The following MCM5 variants were observed in gnomAD, a reference collection of about 807,000 sequenced individuals.
MCM5 encodes DNA replication licensing factor MCM5.
Under a neutral mutation model 79.9 loss-of-function variants are expected in MCM5, and 46 were observed. The ratio of observed to expected loss-of-function variants is 0.58; its 90% CI spans 0.45 to 0.74. The LOEUF (loss-of-function observed/expected upper bound fraction) is 0.74, where lower values mean the gene tolerates loss of function less well. MCM5 is among the 30% of genes least tolerant of loss of function. The pLI is 0.00. For missense variants in MCM5, 883 were observed against 1,017.0 expected (o/e 0.87, Z 1.79); for synonymous variants, 404 against 390.5 (o/e 1.03, Z -0.41).
Position 35,403,386 on chromosome 22 carries a change from A to G in MCM5, c.295-28A>G, listed in dbSNP as rs200428694. ...CCAGGGCTGCTCTGCCCCAGTTACT[A>G]ATAGCCTGTGCCCTTCCCTTTCTCC... On this transcript the variant is annotated intron_variant, in intron 3 of 16. Transcript: ENST00000216122. 630 of 1,614,074 alleles carry G rather than the reference A, an allele frequency of 3.9e-4. 8 individuals are homozygous for G. The highest frequency in any genetic ancestry group is 3.5e-3 in the African/African-American group (260 of 75,022).
rs750075192 is a variant in MCM5, at chr22:35,400,471, C to T, written c.33C>T (p.Tyr11=). Residue 11 remains tyrosine, a synonymous_variant, in exon 2 of 17, where the codon TAC becomes TAT. Transcript: ENST00000216122. MSGFDDPGIF[Y]SDSFGGDAQA... is the part of the protein sequence containing the mutation. ...GATTCGACGATCCTGGCATTTTCTA[C>T]AGCGACAGCTTCGGGGGCGACGCCC... The T allele has an allele frequency of 1.2e-6, 2 of 1,614,108 alleles. No homozygotes were observed. Among genetic ancestry groups the T allele is most frequent in the South Asian group, 1.1e-5 (1 of 91,082 alleles).
chr22:35,404,447 C>T (rs1036081971), intron 4 of MCM5, among the ~76,000 whole-genome samples: 1 of 152,178 alleles, frequency 6.6e-6, no homozygotes, highest in Non-Finnish European at 1.5e-5. Flanking sequence ...TTAGATTTAT[C>T]TGAAGGCCTC....
chr22:35,401,484 G>A (rs776259512), intron 2 of MCM5: 9 of 469,796 alleles, frequency 1.9e-5, no homozygotes, highest in Non-Finnish European at 3.5e-5. Context: ...TACGACCTGT[G>A]ACATCATGAG....
At chr22:35,412,730 C>T (rs1280318654) in intron 8 of MCM5, 49 bp downstream of exon 8, 4 of 1,375,600 alleles carry the variant, frequency 2.9e-6, no homozygotes, top group African/African-American at 3.0e-5. Context: ...GATGATGGGG[C>T]TCACAGTAGG....
At chr22:35,453,819 T>TATATAGAGAGAGAGAGAGAGAG in the MCM5 span, among the ~76,000 whole-genome samples, 1 of 81,548 alleles carries the variant, frequency 1.2e-5, no homozygotes, top group African/African-American at 6.0e-5. Flanking sequence ...TATATATATA[T>TATATAGAGAGAGAGAGAGAGAG]AGAGAGAGAG....
intron 1 of MCM5, 22 bp from the exon 2 acceptor site, chr22:35,400,409 T>C (rs745307735): frequency 2.5e-6 from 4 of 1,613,866 alleles, no homozygotes; most frequent in Non-Finnish European, 3.4e-6. Context: ...CAGCCTGTTC[T>C]GGCCGTTTGT....
At position 35,410,763 on chromosome 22, in the gene MCM5, G is replaced by A. The variant is rs2230933; in HGVS notation, c.772G>A (p.Val258Ile). Residue 258 changes from valine (V) to isoleucine (I), a missense_variant, in exon 7 of 17, where the codon GTC becomes ATC. Around this residue, in one of 3 missense-constraint regions of MCM5, gnomAD observed 455 missense variants for 517.5 expected, o/e 0.88. Coordinates refer to ENST00000216122, the MANE Select transcript of MCM5 (RefSeq NM_006739.4). The stretch of plus-strand genomic sequence containing the variant: ...TCTCAGGTACCTGTGTGACAAGGTC[G>A]TCCCTGGGAACAGGGTTACCATCAT... ...YCDRYLCDKV[V>I]PGNRVTIMGI... 4.9e-3 allele frequency: 7,845 copies of A among 1,613,968 alleles called. 42 individuals are homozygous for A. The highest frequency in any genetic ancestry group is 9.0e-3 in the Admixed American group (538 of 60,002).
At position 35,423,308 on chromosome 22, in the gene MCM5, T is replaced by A. The variant is rs1329091998; in HGVS notation, c.2070T>A (p.Ser690=). The A allele has an allele frequency of 1.9e-6, 3 of 1,608,394 alleles. No homozygotes were observed. The highest frequency in any genetic ancestry group is 1.7e-5 in the Admixed American group (1 of 59,550). Residue 690 remains serine, a synonymous_variant, in exon 16 of 17, where the codon TCT becomes TCA. Coordinates refer to ENST00000216122, the MANE Select transcript of MCM5 (RefSeq NM_006739.4). ...GCTTTGCCATTGGCTCCCAGGTGTC[T>A]GAGCACAGCATCATCAAGGACTTCA... ...KRRFAIGSQV[S]EHSIIKDFTK...
intron 11 of MCM5, 80 bp from the exon 12 acceptor site, chr22:35,416,558 T>TGA: frequency 1.1e-6 from 1 of 897,688 alleles, no homozygotes; most frequent in African/African-American, 2.5e-5. Flanking sequence ...TGTGTGTGTG[T>TGA]GTGTGTGTGT....
chr22:35,417,703 G>A (rs967163181), intron 12 of MCM5, 41 bp from the exon 13 acceptor site: 6 of 1,420,494 alleles, frequency 4.2e-6, no homozygotes, highest in Non-Finnish European at 5.0e-6. Context: ...TCAGGCTTGG[G>A]ACGGCCTGTG....
At chr22:35,422,291 C>G (rs1037490251) in intron 15 of MCM5, 1 of 153,272 alleles carries the variant, frequency 6.5e-6, no homozygotes, top group Non-Finnish European at 1.5e-5. Flanking sequence ...AGGACGTGCT[C>G]TTTCCCATGG....
chr22:35,410,828 C>T lies in MCM5; in HGVS notation c.837C>T (p.Ser279=), dbSNP rs2307343. 90 of 1,614,034 alleles carry T rather than the reference C, an allele frequency of 5.6e-5. 1 individual carries two copies. The African/African-American group carries it at 8.0e-4, about 14-fold the overall frequency. ...YSIKKFGLTT[S]RGRDRVGVGI... ...TCAAGAAGTTTGGCCTGACTACCAG[C>T]AGGGGCCGTGACAGGGTGGGCGTGG... Residue 279 remains serine, a synonymous_variant, in exon 7 of 17, where the codon AGC becomes AGT. Transcript: ENST00000216122.
chr22:35,412,392 T>C, intron 7 of MCM5, 118 bp from the exon 8 acceptor site: 1 of 767,962 alleles, frequency 1.3e-6, no homozygotes, highest in East Asian at 2.9e-5. Flanking sequence ...TGTGCTGTCC[T>C]GGCCCTAAGG....
At chr22:35,432,021 C>G in the MCM5 span, among the ~76,000 whole-genome samples, 2 of 152,188 alleles carry the variant, frequency 1.3e-5, no homozygotes, top group Non-Finnish European at 2.9e-5. Flanking sequence ...GAGATAATGA[C>G]CGTACCTACA....
In MCM5 at chr22:35,413,911, C is replaced by T. The variant is rs1482392777; in HGVS notation, c.1128C>T (p.Asn376=). ...PDGLTRRGDI[N]LLMLGDPGTA... is the part of the protein sequence containing the mutation. ...GACTTACTCGCCGAGGAGACATCAA[C>T]CTGCTGATGCTAGGGGACCCTGGGA... The change falls in exon 9 of 17, where the codon AAC becomes AAT. Residue 376 remains asparagine (N), a synonymous_variant. Coordinates refer to ENST00000216122, the MANE Select transcript of MCM5 (RefSeq NM_006739.4). 1.2e-6 allele frequency: 2 copies of T among 1,614,010 alleles called. No homozygotes were observed. The highest frequency in any genetic ancestry group is 1.7e-6 in the Non-Finnish European group (2 of 1,179,888).
the MCM5 span, among the ~76,000 whole-genome samples, chr22:35,445,597 C>T: frequency 6.6e-6 from 1 of 151,796 alleles, no homozygotes; most frequent in Non-Finnish European, 1.5e-5. Context: ...GCAAGCTCTG[C>T]CTCCTGGGTT....
At chr22:35,410,940 C>A (rs1185007483) in intron 7 of MCM5, 30 bp downstream of exon 7, 1 of 1,556,328 alleles carries the variant, frequency 6.4e-7, no homozygotes, top group Admixed American at 1.9e-5. Flanking sequence ...CTGGCTTAGC[C>A]CTGCTAAAAG....
intron 15 of MCM5, 190 bp from the exon 16 acceptor site, chr22:35,423,024 G>A (rs1042448502): frequency 2.1e-6 from 1 of 465,382 alleles, no homozygotes; most frequent in Non-Finnish European, 3.7e-6. Context: ...GCTTGGCCTG[G>A]AGTGTCCCCA....
At chr22:35,408,625 ACC>A (rs1262345130) in intron 6 of MCM5, 62 bp downstream of exon 6, 14 of 1,554,158 alleles carry the variant, frequency 9.0e-6, no homozygotes, top group Non-Finnish European at 1.2e-5. Context: ...TGTGGCCCTA[ACC>A]CGAGTGTTGG....
Sources: allele counts gnomAD v4.1 joint callset (sites outside exome capture counted in the v4.1 genomes callset), GRCh38; gene constraint gnomAD v4.1.1; regional missense constraint gnomAD v4.1.1; transcripts MANE v1.5; gene names NCBI Gene and HGNC (gene_info 2026-07-23, HGNC 2026-07-21).